The following PRELID2 variants were observed in gnomAD, a reference collection of about 807,000 sequenced individuals.
PRELID2 encodes PRELI domain-containing protein 2.
A neutral mutation model predicts 28.4 loss-of-function variants in PRELID2; 25 were observed. That is an observed-to-expected ratio of 0.88 (90% CI 0.64 to 1.23). The LOEUF (loss-of-function observed/expected upper bound fraction) is 1.23, where lower values mean the gene tolerates loss of function less well. Among genes scored for constraint, PRELID2 ranks in the 50% most tolerant of loss-of-function variants. The probability of loss-of-function intolerance (pLI) is 0.00; values close to 1 mark genes in which losing one functional copy is unlikely to be tolerated. For synonymous variants in PRELID2, 76 were observed against 71.6 expected (o/e 1.06, Z -0.31); for missense variants, 201 against 214.4 (o/e 0.94, Z 0.39).
At chr5:145,649,046 T>A (rs1056557660) in intron 1 of PRELID2, among the ~76,000 whole-genome samples, 3 of 152,114 alleles carry the variant, frequency 2.0e-5, no homozygotes, top group Non-Finnish European at 4.4e-5. Context: ...TAGGTTTCCA[T>A]ATTTTTGCAT....
chr5:145,422,984 T>C, the PRELID2 span, among the ~76,000 whole-genome samples: 1 of 148,974 alleles, frequency 6.7e-6, no homozygotes, highest in African/African-American at 2.5e-5. Flanking sequence ...TTATTTCTCC[T>C]TCACTTATGA....
chr5:145,810,404 G>A (rs753458093), intron 4 of PRELID2, among the ~76,000 whole-genome samples: 7 of 152,164 alleles, frequency 4.6e-5, no homozygotes, highest in East Asian at 1.9e-4. Context: ...AGAAATGTGA[G>A]CAGATTCAGT....
At chr5:145,499,690 A>T (rs926378150) in intron 1 of PRELID2, among the ~76,000 whole-genome samples, 10 of 152,182 alleles carry the variant, frequency 6.6e-5, no homozygotes, top group African/African-American at 2.2e-4. Context: ...TTTGTGACAG[A>T]TGCAAGGGAT....
At chr5:145,721,942 C>T (rs529664537) in intron 1 of PRELID2, among the ~76,000 whole-genome samples, 6 of 152,140 alleles carry the variant, frequency 3.9e-5, no homozygotes, top group Middle Eastern at 3.4e-3. Context: ...ACAGAGCAAC[C>T]ACCTGCATAA....
At chr5:145,399,493 T>C in the PRELID2 span, among the ~76,000 whole-genome samples, 1 of 152,152 alleles carries the variant, frequency 6.6e-6, no homozygotes, top group African/African-American at 2.4e-5. Context: ...ATCCAGAATC[T>C]TCACTTTCTC....
At chr5:145,281,871 G>C in the PRELID2 span, among the ~76,000 whole-genome samples, 1 of 152,062 alleles carries the variant, frequency 6.6e-6, no homozygotes, top group African/African-American at 2.4e-5. Flanking sequence ...AAGTCCATTG[G>C]CTATGTCATA....
chr5:145,607,572 C>T (rs1040041515), intron 1 of PRELID2, among the ~76,000 whole-genome samples: 2 of 151,838 alleles, frequency 1.3e-5, no homozygotes, highest in African/African-American at 2.4e-5. Context: ...TTTTTAGTAT[C>T]GATTTCTATT....
intron 1 of PRELID2, among the ~76,000 whole-genome samples, chr5:145,722,656 T>C (rs772082022): frequency 6.6e-6 from 1 of 152,036 alleles, no homozygotes; most frequent in Non-Finnish European, 1.5e-5. Context: ...AGCACTACAA[T>C]GCCCAGCTAA....
At chr5:145,402,836 C>T in the PRELID2 span, among the ~76,000 whole-genome samples, 1 of 152,076 alleles carries the variant, frequency 6.6e-6, no homozygotes. Flanking sequence ...TATGTTTTAT[C>T]CTGGTTTATT....
chr5:145,409,148 C>A, the PRELID2 span, among the ~76,000 whole-genome samples: 2 of 152,066 alleles, frequency 1.3e-5, no homozygotes, highest in East Asian at 1.9e-4. Context: ...AATATAAGGT[C>A]TTTTTCAGAC....
the PRELID2 span, among the ~76,000 whole-genome samples, chr5:145,270,417 T>C: frequency 1.3e-5 from 2 of 152,096 alleles, no homozygotes; most frequent in Non-Finnish European, 2.9e-5. Context: ...ACTTTTTACA[T>C]AAGTATAACA....
intron 1 of PRELID2, among the ~76,000 whole-genome samples, chr5:145,526,786 A>G (rs1191511983): frequency 2.0e-5 from 3 of 152,230 alleles, no homozygotes; most frequent in East Asian, 1.9e-4. Flanking sequence ...TAATGAGTAC[A>G]TAGCAGTAAA....
At chr5:145,817,220 AAT>A (rs1188735131) in intron 4 of PRELID2, among the ~76,000 whole-genome samples, 9 of 66,508 alleles carry the variant, frequency 1.4e-4, no homozygotes, top group African/African-American at 3.7e-4. Context: ...AATAAAAAAA[AAT>A]ATATATATAT....
chr5:145,787,330 T>C (rs1435831547), intron 5 of PRELID2, among the ~76,000 whole-genome samples: 1 of 152,144 alleles, frequency 6.6e-6, no homozygotes, highest in Non-Finnish European at 1.5e-5. Context: ...AATGTGGAAT[T>C]TGTAAGCAAC....
rs1753276899 is a variant in PRELID2 at position 145,594,605 on chromosome 5, T to C, written n.71-121290A>G. On this transcript the variant is annotated intron_variant and non_coding_transcript_variant, in intron 1 of 2. Transcript: ENST00000510259. Reference sequence around the variant, plus strand: ...AACCAAAAATTGGAAATGACCTAAATGTCCAACTTATGTAGCCACAAAAGT... The same window carrying C: ...AACCAAAAATTGGAAATGACCTAAACGTCCAACTTATGTAGCCACAAAAGT... Among the ~76,000 whole-genome samples the C allele has an allele frequency of 3.3e-5, 5 of 152,144 alleles. 1 individual carries two copies. In the South Asian group the frequency reaches 1.0e-3, roughly 32 times the overall value.
chr5:145,438,666 G>C, the PRELID2 span, among the ~76,000 whole-genome samples: 2 of 152,136 alleles, frequency 1.3e-5, no homozygotes, highest in Admixed American at 6.6e-5. Flanking sequence ...TTTTCTGTTA[G>C]TGATCATTAG....
At chr5:145,814,912 G>A (rs1258541575) in intron 4 of PRELID2, among the ~76,000 whole-genome samples, 2 of 152,196 alleles carry the variant, frequency 1.3e-5, no homozygotes, top group Admixed American at 6.5e-5. Context: ...ACGCTCATGC[G>A]CTGTTGATCA....
chr5:145,418,771 C>A, the PRELID2 span, among the ~76,000 whole-genome samples: 1 of 151,792 alleles, frequency 6.6e-6, no homozygotes, highest in East Asian at 1.9e-4. Context: ...GGTACATGTG[C>A]ACATTGTGCA....
chr5:145,413,480 T>C, the PRELID2 span, among the ~76,000 whole-genome samples: 1 of 152,100 alleles, frequency 6.6e-6, no homozygotes, highest in Non-Finnish European at 1.5e-5. Flanking sequence ...CACTACTGAG[T>C]ATCTAAAAGG....
Sources: allele counts gnomAD v4.1 joint callset (sites outside exome capture counted in the v4.1 genomes callset), GRCh38; gene constraint gnomAD v4.1.1; transcripts MANE v1.5; gene names NCBI Gene and HGNC (gene_info 2026-07-23, HGNC 2026-07-21).